AGBL1: variants seen among roughly 807,000 people sequenced by gnomAD.
AGBL1 encodes the protein AGBL carboxypeptidase 1, also known as cytosolic carboxypeptidase 4.
In AGBL1, 130 loss-of-function variants were observed where a neutral mutation model predicts 118.9. The ratio of observed to expected loss-of-function variants is 1.09; its 90% CI spans 0.95 to 1.26. The LOEUF is 1.26. Ranked by LOEUF, AGBL1 falls within the 50% of genes most tolerant of loss-of-function variation. The pLI, the probability that AGBL1 is intolerant of heterozygous loss-of-function variation, is 0.00. For missense variants in AGBL1, 1,584 were observed against 1,298.1 expected, an observed-to-expected ratio of 1.22 and a Z score of -3.38; for synonymous variants, 555 against 478.9, an observed-to-expected ratio of 1.16 and a Z score of -2.08.
At chr15:86,967,182 T>A (rs1213465490) in intron 23 of AGBL1, among the ~76,000 whole-genome samples, 1 of 152,180 alleles carries the variant, frequency 6.6e-6, no homozygotes, top group Non-Finnish European at 1.5e-5. Context: ...TGTTTGTTTT[T>A]TTCTTGTAAA....
chr15:86,502,457 C>G (rs181234534), intron 18 of AGBL1, among the ~76,000 whole-genome samples: 4 of 151,326 alleles, frequency 2.6e-5, no homozygotes, highest in Middle Eastern at 3.2e-3. Context: ...TGGCTAGGAT[C>G]CACAATACAA....
intron 22 of AGBL1, among the ~76,000 whole-genome samples, chr15:86,900,871 C>T (rs2080203108): frequency 6.6e-6 from 1 of 152,262 alleles, no homozygotes; most frequent in East Asian, 1.9e-4. Context: ...ATCAGTTTAC[C>T]TGGACCCTCT....
chr15:86,883,629 C>G (rs182936536), intron 22 of AGBL1, among the ~76,000 whole-genome samples: 1 of 152,258 alleles, frequency 6.6e-6, no homozygotes, highest in Admixed American at 6.5e-5. Context: ...AAGCCCATCT[C>G]GCCCCGACTC....
intron 3 of AGBL1, among the ~76,000 whole-genome samples, chr15:86,151,908 C>T (rs2077117108): frequency 2.0e-5 from 3 of 152,160 alleles, no homozygotes; most frequent in Admixed American, 2.0e-4. Flanking sequence ...TGAGTGAACT[C>T]CCATTCACAA....
At chr15:86,196,876 C>T (rs542362437) in intron 5 of AGBL1, among the ~76,000 whole-genome samples, 2,088 of 96,782 alleles carry the variant, frequency 0.022, 48 homozygotes, top group Non-Finnish European at 0.024. Flanking sequence ...TGTGCGCGCG[C>T]GCGCACACAC....
rs189782118 is a variant in AGBL1 at position 86,692,324 on chromosome 15, T to C, written c.3158+17888T>C. On this transcript the variant is annotated intron_variant, in intron 22 of 22. Coordinates refer to ENST00000614907, the MANE Select transcript of AGBL1 (RefSeq NM_001386094.1). ...AGGAAACTTCAATGAAGGAACTCTT[T>C]ACAAAGCAAGATCAGGGAAGCAATA... 5.2e-4 allele frequency among the ~76,000 whole-genome samples: 79 copies of C among 152,244 alleles called. 1 individual carries two copies.
chr15:86,827,382 T>C (rs1485414408), intron 22 of AGBL1, among the ~76,000 whole-genome samples: 19 of 9,406 alleles, frequency 2.0e-3, no homozygotes, highest in East Asian at 0.1. Flanking sequence ...TATATATATA[T>C]ACACATATAT....
chr15:86,867,600 G>A (rs2079650326), intron 22 of AGBL1, among the ~76,000 whole-genome samples: 1 of 152,174 alleles, frequency 6.6e-6, no homozygotes, highest in Admixed American at 6.5e-5. Context: ...CATGTCATGT[G>A]AGTGAACCTG....
At chr15:86,866,488 A>G (rs556288400) in intron 22 of AGBL1, among the ~76,000 whole-genome samples, 1 of 152,328 alleles carries the variant, frequency 6.6e-6, no homozygotes, top group African/African-American at 2.4e-5. Context: ...TCTTTCAGAA[A>G]ACAATTATTG....
rs1268627041 is a variant in AGBL1, at chr15:86,349,491, TTTTTGGGAC to T, written c.2375-47871_2375-47863del. Among the ~76,000 whole-genome samples the T allele has an allele frequency of 2.6e-5, 4 of 152,188 alleles. 1 individual carries two copies. The highest frequency in any genetic ancestry group is 9.7e-5 in the African/African-American group (4 of 41,436). On this transcript the variant is annotated intron_variant, in intron 17 of 22. Coordinates refer to ENST00000614907, the MANE Select transcript of AGBL1 (RefSeq NM_001386094.1). ...ACCTGATTCCTATACGTTATTTAAG[TTTTTGGGAC>T]TTTGTGTGTTGGTATGTCAAGTAAT...
chr15:86,980,904 T>TTTTTTTTTTA (rs2081225947), intron 23 of AGBL1, among the ~76,000 whole-genome samples: 6 of 143,030 alleles, frequency 4.2e-5, no homozygotes, highest in Admixed American at 1.4e-4. Context: ...TTTTTTTTTT[T>TTTTTTTTTTA]GAGACAGAGT....
At chr15:86,324,704 T>G (rs1317218433) in intron 17 of AGBL1, among the ~76,000 whole-genome samples, 1 of 151,888 alleles carries the variant, frequency 6.6e-6, no homozygotes, top group Non-Finnish European at 1.5e-5. Flanking sequence ...ACAAAAAAAG[T>G]GGGTGGTAGT....
At chr15:86,895,065 T>TTCCC (rs2080103961) in intron 22 of AGBL1, among the ~76,000 whole-genome samples, 1 of 151,142 alleles carries the variant, frequency 6.6e-6, no homozygotes, top group African/African-American at 2.4e-5. Flanking sequence ...TTCTTTTATC[T>TTCCC]TCCCTCCTTC....
chr15:86,497,212 C>T (rs779748353), intron 18 of AGBL1, among the ~76,000 whole-genome samples: 17 of 151,854 alleles, frequency 1.1e-4, no homozygotes, highest in Non-Finnish European at 2.1e-4. Flanking sequence ...CATCTCGCTT[C>T]CCTTCTCTGT....
At chr15:86,819,646 C>A (rs931458892) in intron 22 of AGBL1, among the ~76,000 whole-genome samples, 1 of 152,048 alleles carries the variant, frequency 6.6e-6, no homozygotes, top group Non-Finnish European at 1.5e-5. Flanking sequence ...TAAGAGAGGA[C>A]ACAAACACAT....
intron 17 of AGBL1, among the ~76,000 whole-genome samples, chr15:86,327,053 A>G (rs1240070378): frequency 6.6e-6 from 1 of 152,016 alleles, no homozygotes; most frequent in Non-Finnish European, 1.5e-5. Context: ...GGAAGGAAAA[A>G]CTGACCAGTG....
At chr15:86,747,726 G>A (rs1485636782) in intron 22 of AGBL1, among the ~76,000 whole-genome samples, 1 of 152,136 alleles carries the variant, frequency 6.6e-6, no homozygotes, top group Non-Finnish European at 1.5e-5. Flanking sequence ...AGAACATGTG[G>A]TGTTTGGTTT....
Position 86,247,662 on chromosome 15 carries a change from T to C in AGBL1, c.527-9T>C, listed in dbSNP as rs1330265009. The C allele has an allele frequency of 5.0e-6, 8 of 1,590,800 alleles. No homozygotes were observed. The Admixed American group carries it at 7.1e-5, about 14-fold the overall frequency. ...CTGTGACTGACCCTGCCTTTCCCTT[T>C]GTTTTCAGAGTCGAACGGCCGCAGA... On this transcript the variant is annotated splice_polypyrimidine_tract_variant and intron_variant, in intron 6 of 22. Coordinates refer to ENST00000614907, the MANE Select transcript of AGBL1 (RefSeq NM_001386094.1).
chr15:86,216,785 G>A (rs1597570536), intron 5 of AGBL1, among the ~76,000 whole-genome samples: 1 of 152,258 alleles, frequency 6.6e-6, no homozygotes, highest in East Asian at 1.9e-4. Flanking sequence ...AAATCCAGTA[G>A]AGAATCCTCC....
Sources: allele counts gnomAD v4.1 joint callset (sites outside exome capture counted in the v4.1 genomes callset), GRCh38; gene constraint gnomAD v4.1.1; transcripts MANE v1.5; gene names NCBI Gene and HGNC (gene_info 2026-07-23, HGNC 2026-07-21).